Variants in ARHGAP8 observed in about 807,000 individuals in gnomAD.
The protein encoded by ARHGAP8 is rho GTPase-activating protein 8.
Under a neutral mutation model 46.1 loss-of-function variants are expected in ARHGAP8, and 62 were observed. That is an observed-to-expected ratio of 1.34 (90% confidence interval 1.10 to 1.66). ARHGAP8 has a LOEUF of 1.66. Among genes scored for constraint, ARHGAP8 ranks in the 40% most tolerant of loss-of-function variants. The pLI is 0.00. For synonymous variants in ARHGAP8, 375 were observed against 243.1 expected, an observed-to-expected ratio of 1.54 and a Z score of -5.05; for missense variants, 923 against 568.4, an observed-to-expected ratio of 1.62 and a Z score of -6.34.
At position 44,825,554 on chromosome 22, in the gene ARHGAP8, C is replaced by T. The variant is rs748623441; in HGVS notation, c.557C>T (p.Pro186Leu). 1 of 1,613,382 alleles carries T rather than the reference C, an allele frequency of 6.2e-7. No individual in the cohort carries two copies. The highest frequency in any genetic ancestry group is 1.1e-5 in the South Asian group (1 of 91,042). ...CCCACCAAGACACCACCGCCGCGGC[C>T]CCCGCTGCCCACACAGCAGTTTGGC... Reference protein sequence around the residue: ...PPPTKTPPPRPPLPTQQFGVS... With the variant: ...PPPTKTPPPRLPLPTQQFGVS... The change falls in exon 7 of 12, where the codon CCC becomes CTC. Residue 186 changes from proline (P) to leucine (L), a missense_variant. Transcript: ENST00000356099.
chr22:44,779,475 T>A, intron 1 of ARHGAP8, among the ~76,000 whole-genome samples: 1 of 152,022 alleles, frequency 6.6e-6, no homozygotes, highest in East Asian at 1.9e-4. Flanking sequence ...CCTGTCCACC[T>A]GGCATGTAAC....
intron 1 of ARHGAP8, among the ~76,000 whole-genome samples, chr22:44,777,716 A>T (rs927762434): frequency 1.3e-5 from 2 of 151,854 alleles, no homozygotes; most frequent in African/African-American, 4.8e-5. Context: ...TAATTTTGAG[A>T]CAGAGTTTTG....
In ARHGAP8 at chr22:44,816,847, G is replaced by T. The variant is rs192841860; in HGVS notation, c.386+2089G>T. Among the ~76,000 whole-genome samples the T allele has an allele frequency of 2.0e-5, 3 of 147,752 alleles. No individual in the cohort carries two copies. In the East Asian group the frequency reaches 5.9e-4, roughly 29 times the overall value. On this transcript the variant is annotated intron_variant, in intron 5 of 11. Transcript: ENST00000356099. ...AAAGAACTGCCCTGCCAGGCGGCTT[G>T]GAGCCTTTCTTTTCTTTCTTTTTTC...
chr22:44,828,110 A>G (rs1930666204), intron 7 of ARHGAP8, among the ~76,000 whole-genome samples: 1 of 152,224 alleles, frequency 6.6e-6, no homozygotes, highest in Non-Finnish European at 1.5e-5. Context: ...TTCCCTAACT[A>G]GGCGCACACA....
At chr22:44,861,909 G>T (rs928059253) in intron 11 of ARHGAP8, among the ~76,000 whole-genome samples, 1 of 152,010 alleles carries the variant, frequency 6.6e-6, no homozygotes, top group Non-Finnish European at 1.5e-5. Flanking sequence ...TGCCCAGTTC[G>T]CCACTCACAG....
chr22:44,806,356 A>G (rs1320812312), intron 3 of ARHGAP8, among the ~76,000 whole-genome samples: 3 of 152,200 alleles, frequency 2.0e-5, no homozygotes, highest in African/African-American at 7.2e-5. Flanking sequence ...GAAATCATGC[A>G]TGGTGTGAGG....
Position 44,862,406 on chromosome 22 carries a change from ACTG to A in ARHGAP8, c.1117_1119del (p.Leu373del), listed in dbSNP as rs1410454991. On this transcript the variant is annotated inframe_deletion, in exon 12 of 12. Transcript: ENST00000356099. ...TTGTGCCCCTGAACATGTTCACTGA[ACTG>A]CTGATCGAGTACTATGAAAAGATCT... The A allele has an allele frequency of 1.9e-6, 3 of 1,613,938 alleles. No homozygotes were observed. The highest frequency in any genetic ancestry group is 2.5e-6 in the Non-Finnish European group (3 of 1,179,988).
At chr22:44,816,540 C>T (rs1455780313) in intron 5 of ARHGAP8, among the ~76,000 whole-genome samples, 2 of 152,188 alleles carry the variant, frequency 1.3e-5, no homozygotes, top group Non-Finnish European at 2.9e-5. Context: ...CAGCCAGACA[C>T]AGTGGCTCAT....
At chr22:44,830,681 T>C (rs11090703) in intron 7 of ARHGAP8, among the ~76,000 whole-genome samples, 11,283 of 151,988 alleles carry the variant, frequency 0.074, 818 homozygotes, top group East Asian at 0.42. Flanking sequence ...TGACTACAGG[T>C]ATGTGCCACC....
intron 11 of ARHGAP8, 68 bp downstream of exon 11, chr22:44,859,902 G>A (rs1480117083): frequency 4.5e-6 from 7 of 1,548,270 alleles, no homozygotes; most frequent in Middle Eastern, 1.7e-4. Flanking sequence ...GGCCCGCATG[G>A]ACCAGTCCCC....
At chr22:44,816,821 AAAAG>A (rs1292273507) in intron 5 of ARHGAP8, among the ~76,000 whole-genome samples, 4 of 151,030 alleles carry the variant, frequency 2.6e-5, no homozygotes, top group Admixed American at 2.6e-4. Context: ...AAAAAAAAAA[AAAAG>A]AACTGCCCTG....
In ARHGAP8 at chr22:44,836,942, G is replaced by A. The variant is rs370496578; in HGVS notation, c.597-8327G>A. On this transcript the variant is annotated intron_variant, in intron 7 of 11. Coordinates refer to ENST00000356099, the MANE Select transcript of ARHGAP8 (RefSeq NM_181335.3). ...CACCCAGGTTGGAGTGCAGTGGCACGATCTCGATCTCGTCTCAGTGCAACA... is the reference window on the plus strand; with the variant it reads ...CACCCAGGTTGGAGTGCAGTGGCACAATCTCGATCTCGTCTCAGTGCAACA... Among the ~76,000 whole-genome samples, 13 of 152,138 alleles carry A rather than the reference G, an allele frequency of 8.5e-5. No individual in the cohort carries two copies. The East Asian group carries it at 1.4e-3, about 16-fold the overall frequency.
At chr22:44,798,431 A>G (rs1928249280) in intron 2 of ARHGAP8, among the ~76,000 whole-genome samples, 3 of 152,118 alleles carry the variant, frequency 2.0e-5, no homozygotes, top group Non-Finnish European at 4.4e-5. Flanking sequence ...TTTGAAGCCT[A>G]CGCTAAATCC....
chr22:44,861,898 A>G (rs957277790), intron 11 of ARHGAP8, among the ~76,000 whole-genome samples: 18 of 152,136 alleles, frequency 1.2e-4, no homozygotes, highest in Admixed American at 8.5e-4. Context: ...GGTCCCCATC[A>G]TGCCCAGTTC....
intron 6 of ARHGAP8, 66 bp from the exon 7 acceptor site, chr22:44,825,417 C>T: frequency 2.6e-6 from 4 of 1,552,264 alleles, no homozygotes; most frequent in African/African-American, 1.4e-5. Context: ...TCCAGCCCCA[C>T]CCAGCGCCTC....
chr22:44,771,628 C>G (rs759112584), intron 1 of ARHGAP8, among the ~76,000 whole-genome samples: 22 of 151,894 alleles, frequency 1.4e-4, no homozygotes, highest in Middle Eastern at 3.4e-3. Context: ...AATCTCAGCT[C>G]GCTGCAACCT....
At position 44,809,435 on chromosome 22, in the gene ARHGAP8, A is replaced by G. The variant is rs1929184896; in HGVS notation, c.299+997A>G. ...GAAACAACTGCATGACCGTTTCTTCACTAAAGCCTCTTCTTGCTTTCACAG... is the reference window on the plus strand; with the variant it reads ...GAAACAACTGCATGACCGTTTCTTCGCTAAAGCCTCTTCTTGCTTTCACAG... On this transcript the variant is annotated intron_variant, in intron 4 of 11. Transcript: ENST00000356099. 3 of 351,566 alleles carry G rather than the reference A, an allele frequency of 8.5e-6. No individual in the cohort carries two copies. The Admixed American group carries it at 1.1e-4, about 13-fold the overall frequency. 21.8% of individuals were successfully genotyped at this position (351,566 alleles called of 1,614,324 possible).
At chr22:44,779,954 G>A (rs1180607723) in intron 1 of ARHGAP8, among the ~76,000 whole-genome samples, 1 of 152,126 alleles carries the variant, frequency 6.6e-6, no homozygotes, top group African/African-American at 2.4e-5. Flanking sequence ...ACACGCCTCT[G>A]TGTTCTGTGT....
chr22:44,755,951 T>C (rs922979106), intron 1 of ARHGAP8, among the ~76,000 whole-genome samples: 16 of 152,172 alleles, frequency 1.1e-4, no homozygotes, highest in Admixed American at 2.6e-4. Context: ...ATAGGACCAT[T>C]AGGAGAACTA....
Sources: gnomAD v4.1 joint callset for allele counts (sites outside exome capture counted in the v4.1 genomes callset) on GRCh38, gnomAD v4.1.1 for gene constraint, MANE v1.5 for transcripts, NCBI Gene and HGNC (gene_info 2026-07-23, HGNC 2026-07-21) for gene names.